Variants in AP3D1 observed in about 807,000 individuals in gnomAD.
AP3D1 encodes the protein adaptor related protein complex 3 subunit delta 1.
In AP3D1, 51 loss-of-function variants were observed where a neutral mutation model predicts 147.6. The ratio of observed to expected loss-of-function variants is 0.35; its 90% confidence interval spans 0.28 to 0.44. The LOEUF is 0.44. AP3D1 is among the 20% of genes least tolerant of loss of function. The pLI, the probability that AP3D1 is intolerant of heterozygous loss-of-function variation, is 1.00. For missense variants in AP3D1, 1,421 were observed against 1,624.2 expected (o/e 0.87, Z 2.15); for synonymous variants, 760 against 663.0 (o/e 1.15, Z -2.25).
chr19:2,118,618 G>A lies in AP3D1; in HGVS notation c.1696C>T (p.Leu566=), dbSNP rs2145056365. Residue 566 remains leucine (L), a synonymous_variant, in exon 15 of 32, where the codon CTG becomes TTG. Coordinates refer to ENST00000643116, the MANE Select transcript of AP3D1 (RefSeq NM_001261826.3). ...GATCTTACCCGCTCCTGCACCTCCA[G>A]GTCTGCGCTCTGCACAAACTGGGGC... ...RLPQFVQSAD[L]EVQERASCIL... is the part of the protein sequence containing the mutation. 6.2e-7 allele frequency: 1 copy of A among 1,610,484 alleles called. No homozygotes were observed. The highest frequency in any genetic ancestry group is 1.3e-5 in the African/African-American group (1 of 75,066).
intron 15 of AP3D1, 109 bp downstream of exon 15, chr19:2,118,492 T>C (rs2018518916): frequency 9.3e-7 from 1 of 1,072,238 alleles, no homozygotes; most frequent in African/African-American, 1.6e-5. Context: ...AGAATCTCAG[T>C]GAGTGGCTTC....
intron 29 of AP3D1, 171 bp from the exon 30 acceptor site, chr19:2,109,378 C>T: frequency 1.2e-6 from 1 of 841,024 alleles, no homozygotes; most frequent in Non-Finnish European, 1.8e-6. Context: ...TGTGCGGAAG[C>T]CGTCACACCC....
chr19:2,128,117 C>T (rs558403464), intron 8 of AP3D1, among the ~76,000 whole-genome samples: 1 of 152,320 alleles, frequency 6.6e-6, no homozygotes, highest in Non-Finnish European at 1.5e-5. Flanking sequence ...CACTGCACCC[C>T]TCCCCTTCCC....
intron 1 of AP3D1, among the ~76,000 whole-genome samples, chr19:2,148,359 T>C (rs1024660677): frequency 1.3e-5 from 2 of 152,224 alleles, no homozygotes; most frequent in East Asian, 3.8e-4. Context: ...AGGTTTTGCA[T>C]GGGAACCCGA....
intron 22 of AP3D1, 27 bp downstream of exon 22, chr19:2,114,098 G>A: frequency 6.5e-7 from 1 of 1,543,056 alleles, no homozygotes; most frequent in South Asian, 1.2e-5. Flanking sequence ...GAATGGAGAA[G>A]GCCGCCGCCC....
chr19:2,132,304 C>G (rs1455127113), intron 5 of AP3D1, among the ~76,000 whole-genome samples, 167 bp downstream of exon 5: 3 of 152,224 alleles, frequency 2.0e-5, no homozygotes, highest in Non-Finnish European at 4.4e-5. Flanking sequence ...CAAAGCGGCC[C>G]AAGAGCCGCT....
intron 1 of AP3D1, chr19:2,164,350 G>T (rs1367474017): frequency 2.1e-6 from 2 of 965,768 alleles, no homozygotes; most frequent in Non-Finnish European, 2.7e-6. Flanking sequence ...CCCAAGCCGC[G>T]CTCACCGGTC....
At chr19:2,152,495 A>G (rs1187296062), upstream of AP3D1, among the ~76,000 whole-genome samples, 2 of 151,918 alleles carry the variant, frequency 1.3e-5, no homozygotes, top group African/African-American at 2.4e-5. Context: ...GTGAGCCGAG[A>G]TGGCGCCACT....
Position 2,112,904 on chromosome 19 carries a change from C to A in AP3D1, c.2743G>T (p.Ala915Ser). 6.2e-7 allele frequency: 1 copy of A among 1,613,370 alleles called. No homozygotes were observed. Among genetic ancestry groups the A allele is most frequent in the Non-Finnish European group, 8.5e-7 (1 of 1,179,730 alleles). Reference protein sequence around the residue: ...KDECEDAKTEAQGEEDDAEGQ... With the variant: ...KDECEDAKTESQGEEDDAEGQ... ...TCGGCATCGTCCTCCTCGCCCTGCG[C>A]CTCCGTCTTGGCGTCCTCACACTCG... is the stretch of plus-strand genomic sequence containing the variant. The change falls in exon 24 of 32, where the codon GCG (alanine) becomes TCG (serine). Residue 915 changes from alanine (A) to serine (S), a missense_variant. Coordinates refer to ENST00000643116, the MANE Select transcript of AP3D1 (RefSeq NM_001261826.3).
rs1390197149 is a variant in AP3D1, at chr19:2,113,431, G to C, written c.2602-18C>G. 27 of 1,443,180 alleles carry C rather than the reference G, an allele frequency of 1.9e-5. No homozygotes were observed. The Admixed American group carries it at 7.1e-4, about 38-fold the overall frequency. 89.4% of individuals were successfully genotyped at this position (1,443,180 alleles called of 1,614,324 possible). ...TCCTCAGCCTGAAACCACAAGACAG[G>C]CTGTCAGCAAACGCAGTGCAATGGT... On this transcript the variant is annotated intron_variant, in intron 22 of 31. Transcript: ENST00000643116.
chr19:2,144,142 C>A (rs563897665), intron 1 of AP3D1, among the ~76,000 whole-genome samples: 1 of 151,832 alleles, frequency 6.6e-6, no homozygotes, highest in Non-Finnish European at 1.5e-5. Context: ...GGAAAGGGGA[C>A]GCGCCGGCGA....
intron 31 of AP3D1, among the ~76,000 whole-genome samples, chr19:2,107,678 T>C (rs369140441): frequency 7.3e-5 from 11 of 150,250 alleles, no homozygotes; most frequent in African/African-American, 2.7e-4. Flanking sequence ...AGGCGGAGCT[T>C]GCAGTGAGCT....
chr19:2,138,066 A>G (rs1202756087), intron 2 of AP3D1, among the ~76,000 whole-genome samples: 1 of 152,252 alleles, frequency 6.6e-6, no homozygotes, highest in Non-Finnish European at 1.5e-5. Flanking sequence ...ACTGGCGCTT[A>G]CGGGTACTGG....
intron 1 of AP3D1, among the ~76,000 whole-genome samples, chr19:2,161,154 A>AG: frequency 7.3e-6 from 1 of 136,448 alleles, no homozygotes; most frequent in Non-Finnish European, 1.6e-5. Context: ...AGCTTCTCCT[A>AG]GTTTTTTTTT....
intron 10 of AP3D1, 65 bp downstream of exon 10, chr19:2,123,765 G>A (rs1257392682): frequency 9.1e-6 from 14 of 1,530,106 alleles, no homozygotes; most frequent in East Asian, 4.9e-5. Flanking sequence ...GCAAGCTCCC[G>A]CCTGTGGAAA....
intron 15 of AP3D1, among the ~76,000 whole-genome samples, 179 bp downstream of exon 15, chr19:2,118,422 T>C (rs2018517239): frequency 6.6e-6 from 1 of 152,200 alleles, no homozygotes; most frequent in South Asian, 2.1e-4. Context: ...TCCCCCGTCC[T>C]GCTGACCTCC....
chr19:2,102,799 G>A (rs948194973), intron 31 of AP3D1, among the ~76,000 whole-genome samples: 1 of 151,046 alleles, frequency 6.6e-6, no homozygotes, highest in African/African-American at 2.4e-5. Context: ...AATAAAAAAT[G>A]TGCCGGGCAT....
chr19:2,110,100 A>G, intron 28 of AP3D1, 36 bp downstream of exon 28: 2 of 1,602,848 alleles, frequency 1.2e-6, no homozygotes, highest in Middle Eastern at 1.8e-4. Flanking sequence ...CTGCCTGCAG[A>G]GTCGGCTCTT....
rs990696718 is a variant in AP3D1 at position 2,129,572 on chromosome 19, G to T, written c.593-115C>A. 3 of 1,319,158 alleles carry T rather than the reference G, an allele frequency of 2.3e-6. No individual in the cohort carries two copies. In the East Asian group the frequency reaches 7.5e-5, roughly 33 times the overall value. 81.7% of individuals were successfully genotyped at this position (1,319,158 alleles called of 1,614,324 possible). ...GCCTGCAGCAGCTCCCACTGAACAT[G>T]GCCCTGGCTCTGCCACCTCCTCCTG... On this transcript the variant is annotated intron_variant, in intron 6 of 31. Transcript: ENST00000643116.
Sources: allele counts gnomAD v4.1 joint callset (sites outside exome capture counted in the v4.1 genomes callset), GRCh38; gene constraint gnomAD v4.1.1; transcripts MANE v1.5; gene names NCBI Gene and HGNC (gene_info 2026-07-23, HGNC 2026-07-21).